Variants in IWS1 observed in about 807,000 individuals in gnomAD.
IWS1 encodes protein IWS1 homolog.
In IWS1, 27 loss-of-function variants were observed where a neutral mutation model predicts 86.7. That is an observed-to-expected ratio of 0.31 (90% CI 0.23 to 0.43). The LOEUF (loss-of-function observed/expected upper bound fraction) is 0.43. Among genes scored for constraint, IWS1 ranks in the 20% least tolerant of loss-of-function variants. The pLI is 1.00. For missense variants in IWS1, 827 were observed against 1,000.8 expected (o/e 0.83, Z 2.34); for synonymous variants, 313 against 335.1 (o/e 0.93, Z 0.72).
In IWS1 at chr2:127,505,135, C is replaced by T. The variant is rs761393330; in HGVS notation, c.768G>A (p.Pro256=). 3 of 1,610,400 alleles carry T rather than the reference C, an allele frequency of 1.9e-6. No individual in the cohort carries two copies. Among genetic ancestry groups the T allele is most frequent in the African/African-American group, 2.7e-5 (2 of 74,448 alleles). Residue 256 remains proline, a synonymous_variant, in exon 3 of 14, where the codon CCG becomes CCA. Coordinates refer to ENST00000295321, the MANE Select transcript of IWS1 (RefSeq NM_017969.3). The surrounding 1 kb of genome is among the most constrained non-coding windows in gnomAD (Gnocchi z 5.0). ...RISDSESEDP[P]RHQASDSENE... Reference sequence around the variant, plus strand: ...TTTCTGAGTCACTGGCCTGGTGCCTCGGAGGGTCCTCACTTTCTGAGTCAC... The same window carrying T: ...TTTCTGAGTCACTGGCCTGGTGCCTTGGAGGGTCCTCACTTTCTGAGTCAC...
chr2:127,500,936 T>C (rs1690769135), intron 5 of IWS1, among the ~76,000 whole-genome samples: 1 of 152,224 alleles, frequency 6.6e-6, no homozygotes, highest in Non-Finnish European at 1.5e-5. Context: ...ATCAGTTTAC[T>C]AATGTACATT....
In IWS1 at chr2:127,505,160, C is replaced by G; in HGVS notation, c.743G>C (p.Ser248Thr). The change falls in exon 3 of 14, where the codon AGT (serine) becomes ACT (threonine). Residue 248 changes from serine (S) to threonine (T), a missense_variant. Ser to Thr is a moderately conservative substitution (Grantham distance 58). Around this residue, in one of 2 missense-constraint regions of IWS1, gnomAD observed 548 missense variants for 560.2 expected, o/e 0.98. Transcript: ENST00000295321. The surrounding 1 kb of genome is among the most constrained non-coding windows in gnomAD (Gnocchi z 5.0). ...CGGAGGGTCCTCACTTTCTGAGTCA[C>G]TGATACGAGGTTTGGGAAGCTCCTC... ...ENEELPKPRI[S>T]DSESEDPPRH... 1 of 1,611,894 alleles carries G rather than the reference C, an allele frequency of 6.2e-7. No individual in the cohort carries two copies. The highest frequency in any genetic ancestry group is 8.5e-7 in the Non-Finnish European group (1 of 1,178,388).
intron 8 of IWS1, chr2:127,494,326 G>C (rs1317837871): frequency 1.3e-5 from 2 of 149,270 alleles, no homozygotes; most frequent in South Asian, 2.1e-4. Context: ...CATTACTTCA[G>C]AAGGATCAAT....
rs571944449 is a variant in IWS1 at position 127,497,885 on chromosome 2, T to TA, written c.1565+254dup. 2.3e-3 allele frequency among the ~76,000 whole-genome samples: 343 copies of TA among 152,332 alleles called. 2 individuals are homozygous for TA. Among genetic ancestry groups the TA allele is most frequent in the African/African-American group, 8.0e-3 (332 of 41,580 alleles). ...AATTAGGTTATTTTTCATAAGAGTT[T>TA]ACTTGGTGAGCCATAAATTAAGTCT... is the stretch of plus-strand genomic sequence containing the variant. On this transcript the variant is annotated intron_variant, in intron 6 of 13. Transcript: ENST00000295321.
intron 9 of IWS1, 99 bp downstream of exon 9, chr2:127,493,182 C>T: frequency 9.3e-7 from 1 of 1,077,688 alleles, no homozygotes; most frequent in East Asian, 2.8e-5. Flanking sequence ...CAGGCTGTAG[C>T]AGAGATAACA....
intron 1 of IWS1, 99 bp downstream of exon 1, chr2:127,526,076 T>C (rs2249646): frequency 0.086 from 104,948 of 1,218,366 alleles, 10,445 homozygotes; most frequent in African/African-American, 0.45. Context: ...GAGGGAAGGT[T>C]TCGGGGGGCC....
chr2:127,520,638 C>T (rs1375868262), intron 2 of IWS1, among the ~76,000 whole-genome samples: 1 of 152,180 alleles, frequency 6.6e-6, no homozygotes, highest in Non-Finnish European at 1.5e-5. Context: ...TCTTGAAGTA[C>T]TAGTGGTTTA....
chr2:127,493,781 C>T (rs1441390313), intron 8 of IWS1, among the ~76,000 whole-genome samples: 1 of 149,954 alleles, frequency 6.7e-6, no homozygotes, highest in African/African-American at 2.5e-5. Flanking sequence ...GGTGGTGAAC[C>T]CAGATTTGCT....
In IWS1 at chr2:127,499,619, G is replaced by T. The variant is rs1277681198; in HGVS notation, c.1468-1382C>A. On this transcript the variant is annotated intron_variant, in intron 5 of 13. Transcript: ENST00000295321. This position sits in a 1 kb window ranked among gnomAD's most constrained non-coding sequence, Gnocchi z 4.0. Reference sequence around the variant, plus strand: ...TCCATGAAGGCAGTGTCCAGTCTCTGAAACATTTGTTGAATGAATTCTTCC... The same window carrying T: ...TCCATGAAGGCAGTGTCCAGTCTCTTAAACATTTGTTGAATGAATTCTTCC... Among the ~76,000 whole-genome samples the T allele has an allele frequency of 6.6e-6, 1 of 152,124 alleles. No homozygotes were observed. The highest frequency in any genetic ancestry group is 1.5e-5 in the Non-Finnish European group (1 of 68,012).
In IWS1 at chr2:127,504,897, C is replaced by T. The variant is rs1336212546; in HGVS notation, c.1006G>A (p.Glu336Lys). 8 of 1,614,054 alleles carry T rather than the reference C, an allele frequency of 5.0e-6. No homozygotes were observed. The highest frequency in any genetic ancestry group is 5.9e-6 in the Non-Finnish European group (7 of 1,180,046). ...KPESDDDSDR[E>K]NKGEDTEMQN... ...ATTTCTGTATCCTCTCCCTTATTCT[C>T]CCTGTCGCTGTCATCATCTGACTCT... Residue 336 changes from glutamate (E) to lysine (K), a missense_variant, in exon 3 of 14, where the codon GAG becomes AAG. Transcript: ENST00000295321.
chr2:127,521,039 T>C (rs777552), intron 2 of IWS1, among the ~76,000 whole-genome samples: 151,192 of 152,380 alleles, frequency 0.99, 75,010 homozygotes, highest in Middle Eastern at 1. Context: ...GCCGGTGGAT[T>C]ACAAGGTCAG....
At chr2:127,486,706 G>A in intron 12 of IWS1, 42 bp from the exon 13 acceptor site, 1 of 1,471,620 alleles carries the variant, frequency 6.8e-7, no homozygotes, top group Non-Finnish European at 9.5e-7. Context: ...TATGTGGCCA[G>A]CCACAGTGGG....
At chr2:127,486,691 C>T (rs369877110) in intron 12 of IWS1, 27 bp from the exon 13 acceptor site, 32 of 1,575,550 alleles carry the variant, frequency 2.0e-5, no homozygotes, top group Non-Finnish European at 2.8e-5. Context: ...GAAGAGCATG[C>T]TTCTTATGTG....
At chr2:127,488,988 T>C (rs1690074591) in intron 12 of IWS1, among the ~76,000 whole-genome samples, 191 bp downstream of exon 12, 1 of 152,150 alleles carries the variant, frequency 6.6e-6, no homozygotes, top group Non-Finnish European at 1.5e-5. Flanking sequence ...CTTTATTGAA[T>C]GAATTATTTT....
At chr2:127,526,967 T>C (rs62156576), upstream of IWS1, 36,947 of 247,372 alleles carry the variant, frequency 0.15, 3,470 homozygotes, top group South Asian at 0.28. Context: ...TCTTTCATTC[T>C]AAACAACGAT....
In IWS1 at chr2:127,496,907, G is replaced by A. The variant is rs146801502; in HGVS notation, c.1566-759C>T. On this transcript the variant is annotated intron_variant, in intron 6 of 13. Transcript: ENST00000295321. ...TGTATTTTAACTGCAACTTTTCTAT[G>A]TTTAGATACACAAATACCATTGTGT... Among the ~76,000 whole-genome samples, 1,462 of 152,234 alleles carry A rather than the reference G, an allele frequency of 9.6e-3. 30 individuals carry two copies. Among genetic ancestry groups the A allele is most frequent in the African/African-American group, 0.033 (1,385 of 41,546 alleles).
intron 5 of IWS1, among the ~76,000 whole-genome samples, chr2:127,500,612 G>C (rs1211029746): frequency 6.6e-6 from 1 of 151,876 alleles, no homozygotes; most frequent in Non-Finnish European, 1.5e-5. Flanking sequence ...TTTACCTTCT[G>C]TTTCAGACAA....
Position 127,486,678 on chromosome 2 carries a change from G to C in IWS1, c.2217-14C>G, listed in dbSNP as rs757058918. On this transcript the variant is annotated splice_polypyrimidine_tract_variant and intron_variant, in intron 12 of 13. Transcript: ENST00000295321. ...GGTCTAAGAGCCCTGAAAAAGGGAA[G>C]AGGAAGAGCATGCTTCTTATGTGGC... The C allele has an allele frequency of 6.2e-7, 1 of 1,601,940 alleles. No homozygotes were observed.
At chr2:127,508,291 C>T (rs1042423136) in intron 2 of IWS1, among the ~76,000 whole-genome samples, 1 of 151,946 alleles carries the variant, frequency 6.6e-6, no homozygotes, top group Non-Finnish European at 1.5e-5. Context: ...GCACTATTCA[C>T]AAAGTATGTA....
Sources: allele counts gnomAD v4.1 joint callset (sites outside exome capture counted in the v4.1 genomes callset), GRCh38; gene constraint gnomAD v4.1.1; regional missense constraint gnomAD v4.1.1; non-coding constraint Gnocchi (gnomAD v3.1); transcripts MANE v1.5; gene names NCBI Gene and HGNC (gene_info 2026-07-23, HGNC 2026-07-21).